TNIP1: variants seen among roughly 807,000 people sequenced by gnomAD.
TNIP1 encodes the protein TNFAIP3-interacting protein 1.
In TNIP1, 22 loss-of-function variants were observed where a neutral mutation model predicts 86.6. That is an observed-to-expected ratio of 0.25 (90% CI 0.18 to 0.36). TNIP1 has a LOEUF of 0.36. Among genes scored for constraint, TNIP1 ranks in the 10% least tolerant of loss-of-function variants. The pLI, the probability that TNIP1 is intolerant of heterozygous loss-of-function variation, is 1.00. For synonymous variants in TNIP1, 294 were observed against 313.0 expected (o/e 0.94, Z 0.64); for missense variants, 709 against 820.6 (o/e 0.86, Z 1.66).
At chr5:151,039,299 G>C (rs1006099445) in intron 11 of TNIP1, 74 bp from the exon 12 acceptor site, 1 of 1,512,322 alleles carries the variant, frequency 6.6e-7, no homozygotes, top group Non-Finnish European at 8.8e-7. Flanking sequence ...TGTCCTGCCT[G>C]GCCCAGCCCT....
chr5:151,065,206 G>T (rs1439504511), intron 1 of TNIP1, 75 bp from the exon 2 acceptor site: 9 of 1,326,246 alleles, frequency 6.8e-6, no homozygotes, highest in Non-Finnish European at 9.3e-6. Context: ...GCTCTAGTCT[G>T]TCAATGCCCC....
Position 151,060,327 on chromosome 5 carries a change from G to A in TNIP1, c.426C>T (p.Ala142=), listed in dbSNP as rs757634750. The A allele has an allele frequency of 2.5e-6, 4 of 1,614,114 alleles. No individual in the cohort carries two copies. The highest frequency in any genetic ancestry group is 3.4e-6 in the Non-Finnish European group (4 of 1,180,032). Residue 142 remains alanine (A), a synonymous_variant, in exon 5 of 18, where the codon GCC becomes GCT. Coordinates refer to ENST00000521591, the MANE Select transcript of TNIP1 (RefSeq NM_006058.5). Reference sequence around the variant, plus strand: ...CTGCCCGTCCACTCACCATCGCATTGGCATGGCTGCTGCTCTCTGGTGAAT... The same window carrying A: ...CTGCCCGTCCACTCACCATCGCATTAGCATGGCTGCTGCTCTCTGGTGAAT... ...EQNSPESSSH[A]NAMALGPLPR...
At chr5:151,042,718 A>T (rs768052100) in intron 10 of TNIP1, 47 bp from the exon 11 acceptor site, 1 of 1,609,924 alleles carries the variant, frequency 6.2e-7, no homozygotes, top group Non-Finnish European at 8.5e-7. Flanking sequence ...GATGTAGAGC[A>T]CTTGCAGGAT....
chr5:151,087,229 A>C (rs13170017), upstream of TNIP1: 4,215 of 152,574 alleles, frequency 0.028, 74 homozygotes, highest in South Asian at 0.07. Flanking sequence ...GAGATGGAGG[A>C]GCCGCCACCA....
intron 12 of TNIP1, chr5:151,037,539 T>A (rs915596011): frequency 6.6e-6 from 1 of 152,264 alleles, no homozygotes; most frequent in African/African-American, 2.4e-5. Context: ...GAAAATGGGC[T>A]GAAATATCAT....
upstream of TNIP1, among the ~76,000 whole-genome samples, chr5:151,081,496 ACT>A (rs1764024195): frequency 6.6e-6 from 1 of 152,080 alleles, no homozygotes; most frequent in Non-Finnish European, 1.5e-5. Flanking sequence ...GCACTCCAGG[ACT>A]CTTCTTAACA....
At chr5:151,043,517 A>G (rs543660750) in intron 9 of TNIP1, among the ~76,000 whole-genome samples, 4 of 152,244 alleles carry the variant, frequency 2.6e-5, no homozygotes, top group Non-Finnish European at 4.4e-5. Context: ...GCTCATGCCT[A>G]TAATTCCAGC....
At chr5:151,075,845 CATAGGGCAGTCCCATACCT>C (rs2113816641) in intron 1 of TNIP1, among the ~76,000 whole-genome samples, 1 of 152,360 alleles carries the variant, frequency 6.6e-6, no homozygotes, top group African/African-American at 2.4e-5. Flanking sequence ...GCCCTTGACT[CATAGGGCAGTCCCATACCT>C]GCCCTGGCCT....
At chr5:151,080,759 C>A (rs10038339) in intron 1 of TNIP1, 121 bp downstream of exon 1, 23,442 of 152,324 alleles carry the variant, frequency 0.15, 2,446 homozygotes, top group East Asian at 0.51. Flanking sequence ...ACCCCGCGCG[C>A]CGGGCCTGGG....
At chr5:151,042,806 T>C in intron 10 of TNIP1, 90 bp downstream of exon 10, 3 of 1,601,080 alleles carry the variant, frequency 1.9e-6, no homozygotes, top group Non-Finnish European at 2.6e-6. Context: ...GGGCTCAGCG[T>C]GGCCACTCCC....
At chr5:151,038,147 C>G (rs1757952588) in intron 12 of TNIP1, among the ~76,000 whole-genome samples, 1 of 152,190 alleles carries the variant, frequency 6.6e-6, no homozygotes, top group African/African-American at 2.4e-5. Flanking sequence ...GGAAACAGGT[C>G]AAGGGCCCCA....
intron 5 of TNIP1, among the ~76,000 whole-genome samples, chr5:151,058,430 T>C (rs560113789): frequency 2.0e-5 from 3 of 152,336 alleles, no homozygotes; most frequent in East Asian, 3.9e-4. Flanking sequence ...TTGCCTTTGT[T>C]ACACCAATTC....
chr5:151,087,071 A>G (rs1031666049), intron 1 of TNIP1: 2 of 152,884 alleles, frequency 1.3e-5, no homozygotes, highest in African/African-American at 4.8e-5. Context: ...ACCGGCCCCC[A>G]TCTAGTCACT....
At position 151,042,163 on chromosome 5, in the gene TNIP1, A is replaced by G. The variant is rs148754881; in HGVS notation, c.1134+377T>C. On this transcript the variant is annotated intron_variant, in intron 11 of 17. Coordinates refer to ENST00000521591, the MANE Select transcript of TNIP1 (RefSeq NM_006058.5). ...ATCATGTTGGCCACGCTGATCTTGAACTCCTGACCTCAGGTAATCCACCCG... is the reference window on the plus strand; with the variant it reads ...ATCATGTTGGCCACGCTGATCTTGAGCTCCTGACCTCAGGTAATCCACCCG... Among the ~76,000 whole-genome samples, 209 of 149,844 alleles carry G rather than the reference A, an allele frequency of 1.4e-3. 1 individual carries two copies. Among genetic ancestry groups the G allele is most frequent in the African/African-American group, 5.0e-3 (205 of 40,646 alleles).
At chr5:151,073,882 G>C (rs1269675292) in intron 1 of TNIP1, among the ~76,000 whole-genome samples, 1 of 152,028 alleles carries the variant, frequency 6.6e-6, no homozygotes, top group Non-Finnish European at 1.5e-5. Flanking sequence ...CTGAGTGACA[G>C]ACTAATACTC....
At chr5:151,069,040 G>C (rs565410000) in intron 1 of TNIP1, among the ~76,000 whole-genome samples, 2 of 152,230 alleles carry the variant, frequency 1.3e-5, no homozygotes. Flanking sequence ...CAGTTTGGGG[G>C]CAGAAAGGGG....
intron 6 of TNIP1, among the ~76,000 whole-genome samples, chr5:151,056,077 A>T (rs1760619683): frequency 6.6e-6 from 1 of 152,188 alleles, no homozygotes; most frequent in South Asian, 2.1e-4. Flanking sequence ...CTAACCATGG[A>T]GGCACTTCTA....
intron 15 of TNIP1, 169 bp downstream of exon 15, chr5:151,034,833 T>G (rs924652345): frequency 1.2e-5 from 8 of 683,172 alleles, no homozygotes; most frequent in African/African-American, 1.1e-4. Context: ...TAATACATTG[T>G]GGGCACTGCC....
In TNIP1 at chr5:151,051,908, GAGGA is replaced by G. The variant is rs577185841; in HGVS notation, c.722+253_722+256del. The stretch of plus-strand genomic sequence containing the variant: ...CAGGGGAGAGAGGCAAGTGCTGGAG[GAGGA>G]AGGAAGTACAATCTATGCTGACCTT... On this transcript the variant is annotated intron_variant, in intron 7 of 17. Coordinates refer to ENST00000521591, the MANE Select transcript of TNIP1 (RefSeq NM_006058.5). Among the ~76,000 whole-genome samples the G allele has an allele frequency of 2.3e-3, 349 of 152,264 alleles. 1 individual carries two copies. Among genetic ancestry groups the G allele is most frequent in the African/African-American group, 8.2e-3 (339 of 41,546 alleles).
Sources: allele counts gnomAD v4.1 joint callset (sites outside exome capture counted in the v4.1 genomes callset), GRCh38; gene constraint gnomAD v4.1.1; transcripts MANE v1.5; gene names NCBI Gene and HGNC (gene_info 2026-07-23, HGNC 2026-07-21).